Variants in TACC3 observed in about 807,000 individuals in gnomAD.
TACC3 encodes transforming acidic coiled-coil-containing protein 3.
A neutral mutation model predicts 86.0 loss-of-function variants in TACC3; 52 were observed. The observed-to-expected ratio is 0.60, with a 90% CI of 0.48 to 0.76. The LOEUF (loss-of-function observed/expected upper bound fraction) is 0.76. TACC3 is among the 30% of genes least tolerant of loss of function. TACC3 has a pLI of 0.00. For synonymous variants in TACC3, 512 were observed against 430.0 expected (o/e 1.19, Z -2.36); for missense variants, 1,120 against 1,070.4 (o/e 1.05, Z -0.65).
At chr4:1,726,451 A>G (rs1416868784) in intron 3 of TACC3, among the ~76,000 whole-genome samples, 1 of 152,196 alleles carries the variant, frequency 6.6e-6, no homozygotes. Context: ...TGGGGCCTGC[A>G]AGTCCCCAGG....
upstream of TACC3, chr4:1,720,758 TG>T: frequency 6.3e-7 from 1 of 1,587,398 alleles, no homozygotes; most frequent in Non-Finnish European, 8.6e-7. This position sits in a 1 kb window ranked among gnomAD's most constrained non-coding sequence, Gnocchi z 4.4. Flanking sequence ...CCCCGCCGCG[TG>T]GAACTCGTTG....
chr4:1,731,077 C>G lies in TACC3; in HGVS notation c.1462-95C>G, dbSNP rs916808200. 10 of 1,593,962 alleles carry G rather than the reference C, an allele frequency of 6.3e-6. No individual in the cohort carries two copies. The South Asian group carries it at 1.1e-4, about 18-fold the overall frequency. On this transcript the variant is annotated intron_variant, in intron 5 of 15. Coordinates refer to ENST00000313288, the MANE Select transcript of TACC3 (RefSeq NM_006342.3). ...CGGGGTGGGATGTCCCGCTCCCTCTCCCCCAAGTCTACTTCAACAAGGTTG... is the reference window on the plus strand; with the variant it reads ...CGGGGTGGGATGTCCCGCTCCCTCTGCCCCAAGTCTACTTCAACAAGGTTG...
At position 1,727,949 on chromosome 4, in the gene TACC3, G is replaced by C. The variant is rs773976514; in HGVS notation, c.547G>C (p.Glu183Gln). The C allele has an allele frequency of 6.2e-7, 1 of 1,613,820 alleles. No homozygotes were observed. Among genetic ancestry groups the C allele is most frequent in the East Asian group, 2.2e-5 (1 of 44,880 alleles). Residue 183 changes from glutamate (E) to glutamine (Q), a missense_variant, in exon 4 of 16, where the codon GAG becomes CAG. Transcript: ENST00000313288. The stretch of plus-strand genomic sequence containing the variant: ...GTCTGGCAGCCCTGAGCAAGCCGTG[G>C]AGGAAAACCTTAGTTCCTATTCCTT... The part of the protein sequence containing the change: ...KVSGSPEQAV[E>Q]ENLSSYSLDR...
Position 1,728,383 on chromosome 4 carries a change from G to A in TACC3, c.981G>A (p.Met327Ile), listed in dbSNP as rs1426968601. 2 of 1,613,012 alleles carry A rather than the reference G, an allele frequency of 1.2e-6. No individual in the cohort carries two copies. The highest frequency in any genetic ancestry group is 1.7e-6 in the Non-Finnish European group (2 of 1,180,020). Residue 327 changes from methionine (M) to isoleucine (I), a missense_variant, in exon 4 of 16, where the codon ATG becomes ATA. Coordinates refer to ENST00000313288, the MANE Select transcript of TACC3 (RefSeq NM_006342.3). ...AGGAAGAAGTGGCTGCAGGCCAAAT[G>A]GCCAGCTCCTCGAGGAGCGGACCTG... ...SPQEEVAAGQ[M>I]ASSSRSGPVK...
At chr4:1,729,169 T>G (rs563463339) in intron 4 of TACC3, among the ~76,000 whole-genome samples, 165 of 152,272 alleles carry the variant, frequency 1.1e-3, no homozygotes, top group Non-Finnish European at 2.0e-3. Flanking sequence ...TGGCGTCCGC[T>G]GCTTGCTGGG....
chr4:1,735,928 A>AC lies in TACC3; in HGVS notation c.1748+96dup, dbSNP rs1427507799. 3 of 897,870 alleles carry AC rather than the reference A, an allele frequency of 3.3e-6. No individual in the cohort carries two copies. In the East Asian group the frequency reaches 7.6e-5, roughly 23 times the overall value. The allele number at this position is 897,870 out of a possible 1,614,324, so 55.6% of individuals were successfully genotyped here. On this transcript the variant is annotated intron_variant, in intron 8 of 15. Coordinates refer to ENST00000313288, the MANE Select transcript of TACC3 (RefSeq NM_006342.3). This position sits in a 1 kb window ranked among gnomAD's most constrained non-coding sequence, Gnocchi z 4.2. ...GTGCTGTCTGCACAGAGGCTTCTAGACCGGGGGGAGATGATCAGAACTGGA... is the reference window on the plus strand; with the variant it reads ...GTGCTGTCTGCACAGAGGCTTCTAGACCCGGGGGGAGATGATCAGAACTGGA...
chr4:1,735,379 C>T lies in TACC3; in HGVS notation c.1644+54C>T. The T allele has an allele frequency of 1.2e-6, 2 of 1,608,114 alleles. No homozygotes were observed. Among genetic ancestry groups the T allele is most frequent in the Non-Finnish European group, 1.7e-6 (2 of 1,175,044 alleles). ...CACCCACAGGGTGTCCGAGAGCAGC[C>T]ACGGCAGGTCTTGCCCCCGGAGCGT... On this transcript the variant is annotated intron_variant, in intron 7 of 15. Transcript: ENST00000313288. The surrounding 1 kb of genome is among the most constrained non-coding windows in gnomAD (Gnocchi z 4.2).
intron 4 of TACC3, among the ~76,000 whole-genome samples, chr4:1,729,127 C>T (rs541799737): frequency 7.6e-4 from 115 of 152,136 alleles, no homozygotes; most frequent in Non-Finnish European, 1.4e-3. Flanking sequence ...TGTGTAACTC[C>T]AAAAGCCAGG....
At chr4:1,739,656 G>A in intron 10 of TACC3, 46 bp from the exon 11 acceptor site, 1 of 1,540,336 alleles carries the variant, frequency 6.5e-7, no homozygotes, top group Non-Finnish European at 8.8e-7. Context: ...TCCTGGGAGG[G>A]TCAGTCTGGC....
At position 1,731,298 on chromosome 4, in the gene TACC3, G is replaced by C. The variant is rs759286356; in HGVS notation, c.1588G>C (p.Glu530Gln). ...AGAGGAGAGCTTCAGAGACCCCGCT[G>C]AGGGTACGTTGCCTGGCACAGACGT... The part of the protein sequence containing the change: ...LKEESFRDPA[E>Q]VLGTGAEVDY... The change falls in exon 6 of 16, where the codon GAG becomes CAG. Residue 530 changes from glutamate (E) to glutamine (Q), a missense_variant. Coordinates refer to ENST00000313288, the MANE Select transcript of TACC3 (RefSeq NM_006342.3). The C allele has an allele frequency of 1.1e-5, 18 of 1,613,022 alleles. No individual in the cohort carries two copies. The South Asian group carries it at 1.2e-4, about 11-fold the overall frequency.
At chr4:1,738,720 G>T (rs1489933075) in intron 10 of TACC3, among the ~76,000 whole-genome samples, 1 of 152,338 alleles carries the variant, frequency 6.6e-6, no homozygotes, top group South Asian at 2.1e-4. Context: ...CCCTACTGCT[G>T]TGTTGTTCCC....
intron 3 of TACC3, among the ~76,000 whole-genome samples, chr4:1,725,706 C>T (rs927969274): frequency 6.6e-6 from 1 of 152,220 alleles, no homozygotes; most frequent in African/African-American, 2.4e-5. Context: ...GCCAGAGTGA[C>T]TCTGAGCTTG....
chr4:1,735,910 C>A lies in TACC3; in HGVS notation c.1748+76C>A. On this transcript the variant is annotated intron_variant, in intron 8 of 15. Transcript: ENST00000313288. The surrounding 1 kb of genome is among the most constrained non-coding windows in gnomAD (Gnocchi z 4.2). ...TGGAGGCTGTTCCTAGGTGTGCTGTCTGCACAGAGGCTTCTAGACCGGGGG... is the reference window on the plus strand; with the variant it reads ...TGGAGGCTGTTCCTAGGTGTGCTGTATGCACAGAGGCTTCTAGACCGGGGG... The A allele has an allele frequency of 9.4e-7, 1 of 1,066,426 alleles. No homozygotes were observed. The highest frequency in any genetic ancestry group is 1.4e-6 in the Non-Finnish European group (1 of 722,466). The allele number at this position is 1,066,426 out of a possible 1,614,324, so 66.1% of individuals were successfully genotyped here.
chr4:1,739,723 A>C lies in TACC3; in HGVS notation c.1963A>C (p.Asn655His), dbSNP rs745635456. The stretch of plus-strand genomic sequence containing the variant: ...GCAGGTAAAGGCGACACAGGAGGAG[A>C]ACCGGGAGCTGAGGAGCAGGTGTGA... The part of the protein sequence containing the change: ...DAVVKATQEE[N>H]RELRSRCEEL... The change falls in exon 11 of 16, where the codon AAC becomes CAC. Residue 655 changes from asparagine (N) to histidine (H), a missense_variant. Asn to His is a moderately conservative substitution (Grantham distance 68). Coordinates refer to ENST00000313288, the MANE Select transcript of TACC3 (RefSeq NM_006342.3). 2.5e-6 allele frequency: 4 copies of C among 1,586,490 alleles called. No homozygotes were observed. In the South Asian group the frequency reaches 4.6e-5, roughly 18 times the overall value.
rs11729657 is a variant in TACC3 at position 1,735,858 on chromosome 4, T to G, written c.1748+24T>G. 6.5e-7 allele frequency: 1 copy of G among 1,527,116 alleles called. No homozygotes were observed. Among genetic ancestry groups the G allele is most frequent in the Non-Finnish European group, 9.0e-7 (1 of 1,116,912 alleles). The allele number at this position is 1,527,116 out of a possible 1,614,324, so 94.6% of individuals were successfully genotyped here. A position where few individuals can be genotyped will look rare whatever the true frequency, so the allele number is the denominator to read the frequency against. ...AGGTATGTGCGCCGGCCCTCCCTCA[T>G]GCATGAAGCCTTGAGTGTGGGAAGA... On this transcript the variant is annotated intron_variant, in intron 8 of 15. Transcript: ENST00000313288. This position sits in a 1 kb window ranked among gnomAD's most constrained non-coding sequence, Gnocchi z 4.2.
intron 4 of TACC3, chr4:1,730,606 C>T (rs1560304711): frequency 3.4e-6 from 2 of 587,774 alleles, no homozygotes; most frequent in East Asian, 3.7e-5. Context: ...TGTACTCATC[C>T]TTGTGATTCC....
rs1388161998 is a variant in TACC3 at position 1,723,385 on chromosome 4, C to T, written c.-1-36C>T. ...GTGTCTGGACAATGTGGTAGTGTTG[C>T]CCTCACACTGACACAAACATGTTCT... On this transcript the variant is annotated intron_variant, in intron 1 of 15. Coordinates refer to ENST00000313288, the MANE Select transcript of TACC3 (RefSeq NM_006342.3). The T allele has an allele frequency of 1.9e-6, 3 of 1,598,988 alleles. No homozygotes were observed. In the Admixed American group the frequency reaches 5.1e-5, roughly 27 times the overall value.
intron 6 of TACC3, 23 bp downstream of exon 6, chr4:1,731,324 C>T: frequency 6.2e-7 from 1 of 1,611,560 alleles, no homozygotes; most frequent in Non-Finnish European, 8.5e-7. Flanking sequence ...GCACAGACGT[C>T]ACACACAGTC....
intron 6 of TACC3, among the ~76,000 whole-genome samples, chr4:1,734,206 G>A (rs566000012): frequency 2.6e-5 from 4 of 152,004 alleles, no homozygotes; most frequent in South Asian, 4.1e-4. Flanking sequence ...TTTTTTTCCC[G>A]AGACGGAGTC....
Sources: gnomAD v4.1 joint callset for allele counts (sites outside exome capture counted in the v4.1 genomes callset) on GRCh38, gnomAD v4.1.1 for gene constraint, Gnocchi (gnomAD v3.1) non-coding constraint, MANE v1.5 for transcripts, NCBI Gene and HGNC (gene_info 2026-07-23, HGNC 2026-07-21) for gene names.